SPATA16: variants seen among roughly 807,000 people sequenced by gnomAD.
The protein encoded by SPATA16 is spermatogenesis associated 16.
In SPATA16, 36 loss-of-function variants were observed where a neutral mutation model predicts 63.3. The observed-to-expected ratio is 0.57, with a 90% confidence interval of 0.44 to 0.75. The LOEUF (loss-of-function observed/expected upper bound fraction) is 0.75. Among genes scored for constraint, SPATA16 ranks in the 30% least tolerant of loss-of-function variants. The pLI is 0.00. For missense variants in SPATA16, 646 were observed against 679.3 expected, an observed-to-expected ratio of 0.95 and a Z score of 0.54; for synonymous variants, 203 against 216.7, an observed-to-expected ratio of 0.94 and a Z score of 0.56.
At chr3:172,933,268 GGCAT>G (rs1577094871) in intron 6 of SPATA16, among the ~76,000 whole-genome samples, 1 of 152,098 alleles carries the variant, frequency 6.6e-6, no homozygotes, top group Non-Finnish European at 1.5e-5. Context: ...TTGGCTATCT[GGCAT>G]GCATTTCTCT....
chr3:172,960,904 T>C (rs181771618), intron 5 of SPATA16, among the ~76,000 whole-genome samples: 11 of 148,362 alleles, frequency 7.4e-5, no homozygotes, highest in Middle Eastern at 6.8e-3. Context: ...CTTCCTTCCT[T>C]CCTCCCTCCC....
At chr3:173,004,050 T>A (rs1734886215) in intron 4 of SPATA16, among the ~76,000 whole-genome samples, 1 of 152,222 alleles carries the variant, frequency 6.6e-6, no homozygotes, top group Non-Finnish European at 1.5e-5. Context: ...CTAGTGTACC[T>A]AATTACTCTT....
At chr3:173,096,179 C>T (rs1737345222) in intron 2 of SPATA16, among the ~76,000 whole-genome samples, 1 of 151,998 alleles carries the variant, frequency 6.6e-6, no homozygotes, top group Non-Finnish European at 1.5e-5. Flanking sequence ...AGTTTAGAGA[C>T]AGTTACCTTA....
intron 4 of SPATA16, among the ~76,000 whole-genome samples, chr3:172,986,678 G>A (rs1399748): frequency 0.64 from 96,857 of 152,020 alleles, 31,921 homozygotes; most frequent in African/African-American, 0.81. Flanking sequence ...TGAGCAGGGG[G>A]GGGAATGCAG....
intron 1 of SPATA16, among the ~76,000 whole-genome samples, chr3:173,137,768 T>C (rs1007940522): frequency 1.3e-5 from 2 of 151,786 alleles, no homozygotes; most frequent in Non-Finnish European, 2.9e-5. Context: ...AGAAGCCTTC[T>C]GTGTGTTTAT....
At chr3:173,010,713 G>A (rs1735051936) in intron 4 of SPATA16, among the ~76,000 whole-genome samples, 1 of 151,906 alleles carries the variant, frequency 6.6e-6, no homozygotes. Context: ...CACCCACCCA[G>A]CCCCGGCCTG....
intron 6 of SPATA16, among the ~76,000 whole-genome samples, chr3:172,934,707 TCTTATCA>T (rs1351100010): frequency 6.6e-6 from 1 of 152,138 alleles, no homozygotes; most frequent in Non-Finnish European, 1.5e-5. Context: ...AAGCAAATAA[TCTTATCA>T]GAAATTTCCT....
intron 3 of SPATA16, among the ~76,000 whole-genome samples, chr3:173,020,824 C>T (rs940802214): frequency 1.3e-5 from 2 of 152,146 alleles, no homozygotes; most frequent in East Asian, 3.8e-4. Flanking sequence ...ACAGAACCAA[C>T]GCATGATTAT....
chr3:173,058,317 T>C (rs1736298285), intron 2 of SPATA16, among the ~76,000 whole-genome samples: 1 of 152,188 alleles, frequency 6.6e-6, no homozygotes, highest in African/African-American at 2.4e-5. Flanking sequence ...AAATTCTCAG[T>C]ATCATACATA....
chr3:172,968,786 C>T (rs1733977295), intron 5 of SPATA16, among the ~76,000 whole-genome samples: 1 of 152,202 alleles, frequency 6.6e-6, no homozygotes, highest in Admixed American at 6.5e-5. Context: ...AAGTGAACCT[C>T]TCCTACTGGC....
rs1486421407 is a variant in SPATA16, at chr3:172,956,777, C to T, written c.981G>A (p.Met327Ile). Residue 327 changes from methionine to isoleucine, a missense_variant, in exon 6 of 11, where the codon ATG becomes ATA. Coordinates refer to ENST00000351008, the MANE Select transcript of SPATA16 (RefSeq NM_031955.6). ...TTATTTTTGTCGCAAATGGTGTGTA[C>T]ATAACCGAGAAAGATTCAGCTCTGG... is the stretch of plus-strand genomic sequence containing the variant. ...AITRAESFSVMYTPFATKIRA... is the reference protein window; with the variant it reads ...AITRAESFSVIYTPFATKIRA... 6.2e-7 allele frequency: 1 copy of T among 1,613,256 alleles called. No individual in the cohort carries two copies. Among genetic ancestry groups the T allele is most frequent in the Non-Finnish European group, 8.5e-7 (1 of 1,179,548 alleles).
In SPATA16 at chr3:172,913,644, T is replaced by C; in HGVS notation, c.1587+17A>G. 6 of 1,610,908 alleles carry C rather than the reference T, an allele frequency of 3.7e-6. No homozygotes were observed. The highest frequency in any genetic ancestry group is 4.2e-6 in the Non-Finnish European group (5 of 1,177,350). ...TTTGAGAATAATAGATCTTTTTCCTTCAGCTCAAAGTTTTACCTTTTGGAT... is the reference window on the plus strand; with the variant it reads ...TTTGAGAATAATAGATCTTTTTCCTCCAGCTCAAAGTTTTACCTTTTGGAT... On this transcript the variant is annotated intron_variant, in intron 10 of 10. Coordinates refer to ENST00000351008, the MANE Select transcript of SPATA16 (RefSeq NM_031955.6).
In SPATA16 at chr3:173,117,438, T is replaced by C; in HGVS notation, c.294A>G (p.Ala98=). 6.2e-7 allele frequency: 1 copy of C among 1,614,196 alleles called. No individual in the cohort carries two copies. Among genetic ancestry groups the C allele is most frequent in the Non-Finnish European group, 8.5e-7 (1 of 1,180,010 alleles). Residue 98 remains alanine (A), a synonymous_variant, in exon 2 of 11, where the codon GCA becomes GCG. Transcript: ENST00000351008. ...ACTGATTGTCAAGTTCTGTTATCTT[T>C]GCCTGTTTCTTTCTAGTTGGCTTTT... ...GEEKPTRKKQ[A]KITELDNQLI...
chr3:173,122,270 G>A (rs962149895), intron 1 of SPATA16, among the ~76,000 whole-genome samples: 1 of 152,016 alleles, frequency 6.6e-6, no homozygotes, highest in Non-Finnish European at 1.5e-5. Flanking sequence ...TCATTCAGTG[G>A]ATTTTCCACA....
intron 6 of SPATA16, among the ~76,000 whole-genome samples, chr3:172,947,711 A>G (rs1733326181): frequency 6.6e-6 from 1 of 152,126 alleles, no homozygotes; most frequent in Admixed American, 6.6e-5. Context: ...TCTCACATAT[A>G]AGTGGGAGTT....
intron 10 of SPATA16, among the ~76,000 whole-genome samples, chr3:172,896,915 AAC>A (rs1732022017): frequency 6.7e-6 from 1 of 150,270 alleles, no homozygotes; most frequent in Non-Finnish European, 1.5e-5. Flanking sequence ...TTATTTTTTT[AAC>A]AGAGTCCTTC....
chr3:173,077,498 CTT>C (rs1399607714), intron 2 of SPATA16, among the ~76,000 whole-genome samples: 1 of 152,152 alleles, frequency 6.6e-6, no homozygotes, highest in African/African-American at 2.4e-5. Context: ...GAGGATAAAA[CTT>C]TATTTAAAGC....
chr3:172,937,184 TG>T (rs1290373910), intron 6 of SPATA16, among the ~76,000 whole-genome samples: 2 of 152,146 alleles, frequency 1.3e-5, no homozygotes, highest in Non-Finnish European at 2.9e-5. Flanking sequence ...ACTTCAGAAC[TG>T]GTATCAGAGG....
chr3:173,066,245 G>T (rs1005172995), intron 2 of SPATA16, among the ~76,000 whole-genome samples: 6 of 152,216 alleles, frequency 3.9e-5, no homozygotes, highest in Non-Finnish European at 7.3e-5. Flanking sequence ...TCCTGGCACG[G>T]ATCCATCCTG....
Sources: allele counts gnomAD v4.1 joint callset (sites outside exome capture counted in the v4.1 genomes callset), GRCh38; gene constraint gnomAD v4.1.1; transcripts MANE v1.5; gene names NCBI Gene and HGNC (gene_info 2026-07-23, HGNC 2026-07-21).